Variants in ZNF536 observed in about 807,000 individuals in gnomAD.
ZNF536 encodes zinc finger protein 536.
In ZNF536, 13 loss-of-function variants were observed where a neutral mutation model predicts 84.5. That is an observed-to-expected ratio of 0.15 (90% CI 0.10 to 0.24). The LOEUF is 0.24. Among genes scored for constraint, ZNF536 ranks in the 10% least tolerant of loss-of-function variants. The probability of loss-of-function intolerance (pLI) is 1.00; values close to 1 mark genes in which losing one functional copy is unlikely to be tolerated. For missense variants in ZNF536, 1,536 were observed against 1,747.5 expected, an observed-to-expected ratio of 0.88 and a Z score of 2.16; for synonymous variants, 811 against 742.5, an observed-to-expected ratio of 1.09 and a Z score of -1.50.
chr19:30,648,980 T>TTCTTCACTGAAAGAGTCTATAGTC (rs1463975397), intron 1 of ZNF536, among the ~76,000 whole-genome samples: 9 of 152,316 alleles, frequency 5.9e-5, no homozygotes, highest in African/African-American at 1.9e-4. Context: ...CGACCACTGT[T>TTCTTCACTGAAAGAGTCTATAGTC]TCTTCACTGA....
At chr19:30,598,648 T>C (rs2047550187) in intron 1 of ZNF536, among the ~76,000 whole-genome samples, 1 of 152,190 alleles carries the variant, frequency 6.6e-6, no homozygotes, top group African/African-American at 2.4e-5. Context: ...TTGTTCACTC[T>C]ACCATGTTTT....
At chr19:30,502,990 C>A (rs1464340372) in intron 2 of ZNF536, among the ~76,000 whole-genome samples, 4 of 152,150 alleles carry the variant, frequency 2.6e-5, no homozygotes. Flanking sequence ...CCCTCTCCAA[C>A]CATAACATCT....
chr19:30,417,163 T>A (rs2050769305), intron 1 of ZNF536, among the ~76,000 whole-genome samples: 1 of 147,994 alleles, frequency 6.8e-6, no homozygotes, highest in Non-Finnish European at 1.5e-5. Context: ...TTTTTTTTTT[T>A]TTTTTTTTTT....
chr19:30,660,208 C>T (rs1365149938), intron 1 of ZNF536, among the ~76,000 whole-genome samples: 2 of 152,152 alleles, frequency 1.3e-5, no homozygotes, highest in African/African-American at 4.8e-5. Flanking sequence ...GGAAGGAAAA[C>T]CCACATGATG....
At chr19:30,238,359 T>G (rs996924483) in intron 1 of ZNF536, among the ~76,000 whole-genome samples, 2 of 151,812 alleles carry the variant, frequency 1.3e-5, no homozygotes, top group Non-Finnish European at 2.9e-5. Context: ...TATGGAGGGG[T>G]CTGGGGTCTA....
At chr19:30,289,720 A>AC (rs1437057465) in intron 2 of ZNF536, among the ~76,000 whole-genome samples, 5 of 151,304 alleles carry the variant, frequency 3.3e-5, no homozygotes, top group Non-Finnish European at 5.9e-5. Context: ...TTCTCATATG[A>AC]CCCCCAATGC....
chr19:30,647,628 C>T (rs1251088166), intron 1 of ZNF536, among the ~76,000 whole-genome samples: 2 of 152,218 alleles, frequency 1.3e-5, no homozygotes, highest in Non-Finnish European at 2.9e-5. Context: ...TAGAAGTTGT[C>T]ATCCCTCCTT....
At position 30,587,913 on chromosome 19, in the gene ZNF536, A is replaced by AT. The variant is rs547149273; in HGVS notation, c.169+38401dup. Among the ~76,000 whole-genome samples, 79 of 152,364 alleles carry AT rather than the reference A, an allele frequency of 5.2e-4. 1 individual carries two copies. In the South Asian group the frequency reaches 5.6e-3, roughly 11 times the overall value. ...AGGTTAAGTTGAAGTTGCTTCTGTA[A>AT]TTGGTGCATTAAAAAGGCACTTCTG... is the stretch of plus-strand genomic sequence containing the variant. On this transcript the variant is annotated intron_variant, in intron 1 of 1. Coordinates refer to the ZNF536 transcript ENST00000592773.
intron 1 of ZNF536, among the ~76,000 whole-genome samples, chr19:30,438,696 G>A (rs2148070109): frequency 6.6e-6 from 1 of 152,218 alleles, no homozygotes; most frequent in Middle Eastern, 3.4e-3. Context: ...TGTTTTTTGA[G>A]ACAAGGTCTC....
At chr19:30,301,163 C>G (rs2145930342) in intron 2 of ZNF536, among the ~76,000 whole-genome samples, 1 of 152,308 alleles carries the variant, frequency 6.6e-6, no homozygotes, top group Middle Eastern at 3.4e-3. Context: ...TTTTCATAGG[C>G]TCTGGGGACT....
intron 1 of ZNF536, among the ~76,000 whole-genome samples, chr19:30,604,581 T>G (rs1425897695): frequency 6.6e-6 from 1 of 152,170 alleles, no homozygotes; most frequent in African/African-American, 2.4e-5. Context: ...TTCTTTATGA[T>G]CAGAGGCACT....
chr19:30,677,706 G>T lies in ZNF536; in HGVS notation c.170-33051G>T, dbSNP rs546966616. 2.0e-5 allele frequency among the ~76,000 whole-genome samples: 3 copies of T among 152,370 alleles called. No individual in the cohort carries two copies. In the East Asian group the frequency reaches 5.8e-4, roughly 29 times the overall value. On this transcript the variant is annotated intron_variant, in intron 1 of 1. Coordinates refer to the ZNF536 transcript ENST00000592773. ...AATTGTAGAGACTGGGATAACCAAT[G>T]ACTTTGATCTTTTGCGATTTTTGTC... is the stretch of plus-strand genomic sequence containing the variant.
At chr19:30,572,586 T>C (rs2046587781) in intron 1 of ZNF536, among the ~76,000 whole-genome samples, 1 of 152,226 alleles carries the variant, frequency 6.6e-6, no homozygotes, top group Admixed American at 6.5e-5. Context: ...TACTTGTCCA[T>C]GTACTTTAGC....
At chr19:30,264,634 T>C (rs2025404438) in intron 1 of ZNF536, among the ~76,000 whole-genome samples, 1 of 152,120 alleles carries the variant, frequency 6.6e-6, no homozygotes, top group East Asian at 1.9e-4. Context: ...TTTCTCCCAC[T>C]TTCTCATATA....
At chr19:30,387,291 C>A (rs10426332) in intron 1 of ZNF536, among the ~76,000 whole-genome samples, 1 of 152,174 alleles carries the variant, frequency 6.6e-6, no homozygotes, top group South Asian at 2.1e-4. Context: ...ACAGAGCTGT[C>A]GCTGGTTGCA....
downstream of ZNF536, among the ~76,000 whole-genome samples, chr19:30,559,575 G>A (rs1395637183): frequency 1.3e-5 from 2 of 152,300 alleles, no homozygotes; most frequent in South Asian, 2.1e-4. Flanking sequence ...TGTACACCCC[G>A]CTGCCCACTT....
chr19:30,280,636 C>G (rs558047540), intron 1 of ZNF536, among the ~76,000 whole-genome samples: 1 of 152,242 alleles, frequency 6.6e-6, no homozygotes, highest in Non-Finnish European at 1.5e-5. Context: ...CCTGGAGGAC[C>G]GCTCTGTGCT....
intron 1 of ZNF536, among the ~76,000 whole-genome samples, chr19:30,263,562 G>A (rs1433745542): frequency 6.6e-6 from 1 of 152,154 alleles, no homozygotes; most frequent in African/African-American, 2.4e-5. Context: ...TATGAAAGGT[G>A]ATCTCATTCG....
At chr19:30,534,724 T>G (rs1391398485) in intron 2 of ZNF536, 123 bp from the exon 3 acceptor site, 4 of 1,004,250 alleles carry the variant, frequency 4.0e-6, no homozygotes, top group Non-Finnish European at 5.6e-6. Context: ...CTGTCAGATT[T>G]AAAGAATGAA....
Sources: allele counts gnomAD v4.1 joint callset (sites outside exome capture counted in the v4.1 genomes callset), GRCh38; gene constraint gnomAD v4.1.1; transcripts MANE v1.5; gene names NCBI Gene and HGNC (gene_info 2026-07-23, HGNC 2026-07-21).